EGFR: variants seen among roughly 807,000 people sequenced by gnomAD.
EGFR encodes avian erythroblastic leukemia viral (v-erb-b) oncogene homolog.
EGFR carries 58 observed loss-of-function variants against 143.0 expected under a neutral mutation model. The observed-to-expected ratio is 0.41, with a 90% CI of 0.33 to 0.50. The LOEUF (loss-of-function observed/expected upper bound fraction) is 0.50, where lower values mean the gene tolerates loss of function less well. Ranked by LOEUF, EGFR falls within the 20% of genes least tolerant of loss-of-function variation. The pLI is 0.39. For missense variants in EGFR, 1,307 were observed against 1,579.0 expected, an observed-to-expected ratio of 0.83 and a Z score of 2.92; for synonymous variants, 613 against 594.4, an observed-to-expected ratio of 1.03 and a Z score of -0.45.
chr7:55,103,819 T>C lies in EGFR; in HGVS notation c.89-38467T>C, dbSNP rs575746313. On this transcript the variant is annotated intron_variant, in intron 1 of 27. Transcript: ENST00000275493. ...GAACCTATGCCTACCAGACATGACA[T>C]GTGACTATTCATACAGATTTCATCA... is the stretch of plus-strand genomic sequence containing the variant. 1.5e-4 allele frequency among the ~76,000 whole-genome samples: 23 copies of C among 152,368 alleles called. No homozygotes were observed. The South Asian group carries it at 4.1e-3, about 27-fold the overall frequency.
intron 22 of EGFR, among the ~76,000 whole-genome samples, chr7:55,193,725 G>A (rs980122958): frequency 6.6e-6 from 1 of 152,180 alleles, no homozygotes; most frequent in African/African-American, 2.4e-5. Flanking sequence ...TATTTGAGGA[G>A]AACACTATTG....
chr7:55,132,300 T>C (rs1260261697), intron 1 of EGFR, among the ~76,000 whole-genome samples: 1 of 152,242 alleles, frequency 6.6e-6, no homozygotes, highest in Non-Finnish European at 1.5e-5. Flanking sequence ...ATCCCAATTT[T>C]TGAGTCAGAG....
At chr7:55,144,415 C>T (rs2128928215) in intron 3 of EGFR, among the ~76,000 whole-genome samples, 1 of 152,364 alleles carries the variant, frequency 6.6e-6, no homozygotes, top group South Asian at 2.1e-4. Flanking sequence ...GCTATGGCCA[C>T]CACTCTCTGC....
At chr7:55,065,283 G>C (rs1369197575) in intron 1 of EGFR, among the ~76,000 whole-genome samples, 1 of 152,154 alleles carries the variant, frequency 6.6e-6, no homozygotes, top group African/African-American at 2.4e-5. Flanking sequence ...AGGGAGGAGA[G>C]GGGTGGACGA....
intron 4 of EGFR, among the ~76,000 whole-genome samples, chr7:55,149,435 C>A (rs1794923356): frequency 6.6e-6 from 1 of 152,088 alleles, no homozygotes; most frequent in African/African-American, 2.4e-5. Flanking sequence ...AATGTTATTT[C>A]TAATGTAATA....
At chr7:55,024,062 G>A (rs1281226418) in intron 1 of EGFR, among the ~76,000 whole-genome samples, 1 of 152,116 alleles carries the variant, frequency 6.6e-6, no homozygotes, top group Non-Finnish European at 1.5e-5. Context: ...CACTTTTTCA[G>A]AGTCATCTGA....
chr7:55,126,324 A>G (rs1210142246), intron 1 of EGFR, among the ~76,000 whole-genome samples: 3 of 152,208 alleles, frequency 2.0e-5, no homozygotes, highest in South Asian at 4.1e-4. Flanking sequence ...TACTAATCCT[A>G]AAAGGACGAT....
At chr7:55,172,807 G>A in intron 16 of EGFR, 176 bp from the exon 17 acceptor site, 5 of 1,536,228 alleles carry the variant, frequency 3.3e-6, no homozygotes, top group Admixed American at 1.9e-5. Flanking sequence ...TGAGAAAGTT[G>A]GAAACGTTGC....
intron 1 of EGFR, among the ~76,000 whole-genome samples, chr7:55,129,140 C>T (rs1793694219): frequency 6.6e-6 from 1 of 152,208 alleles, no homozygotes. Flanking sequence ...GCTTTCAGCA[C>T]TCAAGTGTGA....
chr7:55,202,999 C>T, intron 27 of EGFR: 3 of 510,508 alleles, frequency 5.9e-6, no homozygotes, highest in Non-Finnish European at 6.9e-6. Flanking sequence ...TCTCTGCTGG[C>T]TCTATCTTGA....
At chr7:55,031,600 G>A (rs1453141210) in intron 1 of EGFR, among the ~76,000 whole-genome samples, 3 of 152,216 alleles carry the variant, frequency 2.0e-5, no homozygotes, top group Non-Finnish European at 4.4e-5. Context: ...TCACATGACA[G>A]AGTTCTTGAA....
chr7:55,062,021 A>T (rs1457235106), intron 1 of EGFR, among the ~76,000 whole-genome samples: 1 of 152,198 alleles, frequency 6.6e-6, no homozygotes, highest in Non-Finnish European at 1.5e-5. Context: ...TGTCAGTTTC[A>T]GGGAAATTTG....
rs140117937 is a variant in EGFR, at chr7:55,202,579, C to T, written c.3225C>T (p.Gly1075=). 4.3e-4 allele frequency: 697 copies of T among 1,613,530 alleles called. 4 individuals carry two copies. The highest frequency in any genetic ancestry group is 5.4e-4 in the Non-Finnish European group (642 of 1,179,676). Residue 1075 remains glycine (G), a synonymous_variant, in exon 27 of 28, where the codon GGC becomes GGT. Transcript: ENST00000275493. Reference sequence around the variant, plus strand: ...AGCGATACAGCTCAGACCCCACAGGCGCCTTGACTGAGGACAGCATAGACG... The same window carrying T: ...AGCGATACAGCTCAGACCCCACAGGTGCCTTGACTGAGGACAGCATAGACG... ...FLQRYSSDPT[G]ALTEDSIDDT... is the part of the protein sequence containing the mutation.
intron 3 of EGFR, among the ~76,000 whole-genome samples, chr7:55,144,833 A>G (rs150498565): frequency 6.6e-6 from 1 of 152,172 alleles, no homozygotes; most frequent in Non-Finnish European, 1.5e-5. Context: ...ATGGCTCGGG[A>G]GCACATTCTC....
At chr7:55,028,037 CACAT>C (rs1787034735) in intron 1 of EGFR, among the ~76,000 whole-genome samples, 1 of 135,112 alleles carries the variant, frequency 7.4e-6, no homozygotes, top group African/African-American at 2.8e-5. Context: ...CACACACACA[CACAT>C]ATGGAGGTAA....
chr7:55,089,240 T>C (rs1253137027), intron 1 of EGFR, among the ~76,000 whole-genome samples: 2 of 152,176 alleles, frequency 1.3e-5, no homozygotes, highest in Non-Finnish European at 2.9e-5. Flanking sequence ...GGCTCCCTCA[T>C]CTTCTGTGAG....
At chr7:55,177,938 T>A (rs1321831019) in intron 19 of EGFR, among the ~76,000 whole-genome samples, 1 of 152,222 alleles carries the variant, frequency 6.6e-6, no homozygotes, top group Non-Finnish European at 1.5e-5. Context: ...GACACACGAC[T>A]GAACAGCGTT....
intron 21 of EGFR, among the ~76,000 whole-genome samples, chr7:55,192,127 T>G (rs1787423024): frequency 6.6e-6 from 1 of 152,168 alleles, no homozygotes; most frequent in Non-Finnish European, 1.5e-5. Flanking sequence ...TAGCAAATGT[T>G]AGGTTTCAGT....
intron 13 of EGFR, among the ~76,000 whole-genome samples, chr7:55,162,602 C>A (rs1489384836): frequency 6.6e-6 from 1 of 152,152 alleles, no homozygotes; most frequent in Non-Finnish European, 1.5e-5. Context: ...GATGAAAACG[C>A]CCACGTGGGG....
Sources: allele counts gnomAD v4.1 joint callset (sites outside exome capture counted in the v4.1 genomes callset), GRCh38; gene constraint gnomAD v4.1.1; transcripts MANE v1.5; gene names NCBI Gene and HGNC (gene_info 2026-07-23, HGNC 2026-07-21).